ARHGAP28: variants seen among roughly 807,000 people sequenced by gnomAD.
ARHGAP28 encodes Rho GTPase activating protein 28, also known as rho GTPase-activating protein 28.
In ARHGAP28, 56 loss-of-function variants were observed where a neutral mutation model predicts 90.7. The observed-to-expected ratio is 0.62, with a 90% CI of 0.50 to 0.77. ARHGAP28 has a LOEUF of 0.77. Ranked by LOEUF, ARHGAP28 falls within the 30% of genes least tolerant of loss-of-function variation. The pLI is 0.00. For synonymous variants in ARHGAP28, 308 were observed against 323.3 expected (o/e 0.95, Z 0.51); for missense variants, 869 against 900.9 (o/e 0.96, Z 0.45).
At chr18:6,849,810 A>G (rs1479071779) in intron 3 of ARHGAP28, among the ~76,000 whole-genome samples, 1 of 152,150 alleles carries the variant, frequency 6.6e-6, no homozygotes, top group Non-Finnish European at 1.5e-5. Flanking sequence ...GAATATCATT[A>G]GGATATGAAA....
intron 10 of ARHGAP28, among the ~76,000 whole-genome samples, chr18:6,881,167 G>A (rs1012835307): frequency 6.6e-6 from 1 of 152,172 alleles, no homozygotes; most frequent in Non-Finnish European, 1.5e-5. Context: ...GATTATGTCT[G>A]GCTGGTTAAT....
intron 2 of ARHGAP28, among the ~76,000 whole-genome samples, chr18:6,826,706 T>A (rs759138188): frequency 0.059 from 8,701 of 146,298 alleles, 401 homozygotes; most frequent in Non-Finnish European, 0.095. Flanking sequence ...TTTTTTTTTT[T>A]ATTGATCATT....
chr18:6,849,194 G>A (rs2056889842), intron 3 of ARHGAP28, among the ~76,000 whole-genome samples: 7 of 150,092 alleles, frequency 4.7e-5, no homozygotes, highest in African/African-American at 1.7e-4. Flanking sequence ...GGTGTTCAAG[G>A]TTGCAGTGAG....
chr18:6,758,416 C>T (rs113175250), intron 1 of ARHGAP28, among the ~76,000 whole-genome samples: 22 of 152,164 alleles, frequency 1.4e-4, no homozygotes, highest in Admixed American at 8.5e-4. Context: ...TTCTGCCTCC[C>T]GAGTTCAAAT....
At chr18:6,877,188 T>C (rs2057137827) in intron 10 of ARHGAP28, among the ~76,000 whole-genome samples, 1 of 152,182 alleles carries the variant, frequency 6.6e-6, no homozygotes, top group African/African-American at 2.4e-5. Flanking sequence ...TATATAGAAG[T>C]GTGACGAGAG....
chr18:6,863,317 A>G (rs184517915), intron 5 of ARHGAP28, among the ~76,000 whole-genome samples: 6 of 151,944 alleles, frequency 3.9e-5, no homozygotes, highest in East Asian at 1.9e-4. Flanking sequence ...TGATTTTCCA[A>G]CATCTGTTAA....
At chr18:6,790,799 C>A (rs1245680974) in intron 1 of ARHGAP28, 1 of 152,090 alleles carries the variant, frequency 6.6e-6, no homozygotes, top group Non-Finnish European at 1.5e-5. Flanking sequence ...GGGAAATAGA[C>A]TAAGAAAGAG....
In ARHGAP28 at chr18:6,785,027, G is replaced by T. The variant is rs550604789; in HGVS notation, c.123-39735G>T. 2.0e-5 allele frequency among the ~76,000 whole-genome samples: 3 copies of T among 152,222 alleles called. No homozygotes were observed. In the East Asian group the frequency reaches 5.8e-4, roughly 29 times the overall value. On this transcript the variant is annotated intron_variant, in intron 1 of 17. Coordinates refer to ENST00000383472, the MANE Select transcript of ARHGAP28 (RefSeq NM_001366230.1). ...GGAGCTGATTTTTTTTTTCCAAAAG[G>T]AAATTCGTGGAGAAAACACCAAAAG...
At chr18:6,834,097 A>G (rs2056734814) in intron 2 of ARHGAP28, among the ~76,000 whole-genome samples, 1 of 152,104 alleles carries the variant, frequency 6.6e-6, no homozygotes, top group African/African-American at 2.4e-5. Context: ...AACTCCCTTT[A>G]GAGCAGGATA....
At chr18:6,865,202 T>G (rs2057029281) in intron 5 of ARHGAP28, among the ~76,000 whole-genome samples, 1 of 152,348 alleles carries the variant, frequency 6.6e-6, no homozygotes, top group Non-Finnish European at 1.5e-5. Flanking sequence ...AATAAAACTT[T>G]GGCTATTCTC....
At position 6,887,178 on chromosome 18, in the gene ARHGAP28, A is replaced by G; in HGVS notation, c.1475A>G (p.Gln492Arg). The G allele has an allele frequency of 1.2e-6, 2 of 1,614,178 alleles. No individual in the cohort carries two copies. The highest frequency in any genetic ancestry group is 1.7e-6 in the Non-Finnish European group (2 of 1,180,018). ...LMERGPHVKV[Q>R]FQALHLMVMA... Reference sequence around the variant, plus strand: ...TTAGGAGGGCCTCACGTCAAAGTACAGTTTCAAGCCTTACACCTCATGGTC... The same window carrying G: ...TTAGGAGGGCCTCACGTCAAAGTACGGTTTCAAGCCTTACACCTCATGGTC... Residue 492 changes from glutamine (Q) to arginine (R), a missense_variant, in exon 12 of 18, where the codon CAG (glutamine) becomes CGG (arginine). By Grantham distance (43) the Gln-to-Arg change is conservative (BLOSUM62 1). Coordinates refer to ENST00000383472, the MANE Select transcript of ARHGAP28 (RefSeq NM_001366230.1).
chr18:6,873,863 A>C, intron 9 of ARHGAP28, 88 bp downstream of exon 9: 1 of 1,147,714 alleles, frequency 8.7e-7, no homozygotes, highest in Non-Finnish European at 1.3e-6. Flanking sequence ...ATTTTCTTTT[A>C]TATTTAAAGA....
chr18:6,834,487 T>G (rs1354586700), intron 2 of ARHGAP28: 2 of 152,204 alleles, frequency 1.3e-5, no homozygotes, highest in Non-Finnish European at 2.9e-5. Flanking sequence ...AGTAGGCCAG[T>G]ATTGCCAGAG....
intron 1 of ARHGAP28, chr18:6,774,005 A>T (rs1286338899): frequency 2.0e-5 from 3 of 152,252 alleles, no homozygotes; most frequent in African/African-American, 7.2e-5. Context: ...CAGTGGAATT[A>T]GTTCTTCACT....
At chr18:6,849,816 T>C (rs2056895443) in intron 3 of ARHGAP28, among the ~76,000 whole-genome samples, 1 of 152,184 alleles carries the variant, frequency 6.6e-6, no homozygotes, top group Non-Finnish European at 1.5e-5. Flanking sequence ...CATTAGGATA[T>C]GAAATCTTTT....
chr18:6,788,087 T>C (rs1201154737), intron 1 of ARHGAP28, among the ~76,000 whole-genome samples: 8 of 152,216 alleles, frequency 5.3e-5, no homozygotes. Flanking sequence ...TGTTGAATTG[T>C]AATCTGCAGT....
intron 1 of ARHGAP28, among the ~76,000 whole-genome samples, chr18:6,784,067 C>G (rs923195794): frequency 6.6e-6 from 1 of 151,896 alleles, no homozygotes; most frequent in African/African-American, 2.4e-5. Flanking sequence ...TCCTCAGTTA[C>G]TTCTTTGAGT....
intron 10 of ARHGAP28, among the ~76,000 whole-genome samples, chr18:6,880,137 G>A (rs542223353): frequency 6.6e-6 from 1 of 152,244 alleles, no homozygotes; most frequent in Non-Finnish European, 1.5e-5. Context: ...GATGGGAAAT[G>A]CTTACTCCTC....
chr18:6,741,838 A>G (rs989962813), intron 1 of ARHGAP28, among the ~76,000 whole-genome samples: 4 of 152,332 alleles, frequency 2.6e-5, no homozygotes, highest in African/African-American at 9.6e-5. Flanking sequence ...TTTGAAAGCT[A>G]TTGAATCAAA....
Sources: allele counts gnomAD v4.1 joint callset (sites outside exome capture counted in the v4.1 genomes callset), GRCh38; gene constraint gnomAD v4.1.1; transcripts MANE v1.5; gene names NCBI Gene and HGNC (gene_info 2026-07-23, HGNC 2026-07-21).